The following BHMT2 variants were observed in gnomAD, a reference collection of about 807,000 sequenced individuals.
The protein encoded by BHMT2 is S-methylmethionine--homocysteine S-methyltransferase BHMT2.
A neutral mutation model predicts 39.0 loss-of-function variants in BHMT2; 28 were observed. The observed-to-expected ratio is 0.72, with a 90% confidence interval of 0.53 to 0.98. The LOEUF (loss-of-function observed/expected upper bound fraction) is 0.98, where lower values mean the gene tolerates loss of function less well. Among genes scored for constraint, BHMT2 ranks in the 50% least tolerant of loss-of-function variants. The pLI is 0.00. For missense variants in BHMT2, 410 were observed against 455.6 expected, an observed-to-expected ratio of 0.90 and a Z score of 0.91; for synonymous variants, 145 against 160.6, an observed-to-expected ratio of 0.90 and a Z score of 0.74.
chr5:79,080,800 T>C lies in BHMT2; in HGVS notation c.372T>C (p.Asp124=). The C allele has an allele frequency of 1.2e-6, 2 of 1,606,098 alleles. No homozygotes were observed. Among genetic ancestry groups the C allele is most frequent in the Non-Finnish European group, 1.7e-6 (2 of 1,177,752 alleles). Residue 124 remains aspartate (D), a synonymous_variant, in exon 4 of 8, where the codon GAT becomes GAC. Transcript: ENST00000255192. ...CQTSIYKYQK[D]EARIKKLFRQ... ...CATCAATATACAAATACCAGAAGGATGAAGCTAGAATTAAAAAACTTTTTC... is the reference window on the plus strand; with the variant it reads ...CATCAATATACAAATACCAGAAGGACGAAGCTAGAATTAAAAAACTTTTTC...
chr5:79,084,435 G>A (rs1324130026), intron 7 of BHMT2, among the ~76,000 whole-genome samples: 4 of 151,938 alleles, frequency 2.6e-5, no homozygotes, highest in South Asian at 2.1e-4. Flanking sequence ...CACCACATCC[G>A]GCTAATTTTT....
chr5:79,083,231 A>G lies in BHMT2; in HGVS notation c.638A>G (p.Asp213Gly). 2.5e-6 allele frequency: 4 copies of G among 1,614,168 alleles called. No individual in the cohort carries two copies. The highest frequency in any genetic ancestry group is 3.4e-6 in the Non-Finnish European group (4 of 1,180,040). ...GGCGTGAACTGCCGCTTTGGGCCCGACACCAGCTTGAAGACGATGGAGCTC... is the reference window on the plus strand; with the variant it reads ...GGCGTGAACTGCCGCTTTGGGCCCGGCACCAGCTTGAAGACGATGGAGCTC... Reference protein sequence around the residue: ...IVGVNCRFGPDTSLKTMELMK... With the variant: ...IVGVNCRFGPGTSLKTMELMK... The change falls in exon 6 of 8, where the codon GAC (aspartate) becomes GGC (glycine). Residue 213 changes from aspartate (D) to glycine (G), a missense_variant. Asp to Gly is a moderately conservative substitution (Grantham distance 94, BLOSUM62 -1). Coordinates refer to ENST00000255192, the MANE Select transcript of BHMT2 (RefSeq NM_017614.5).
At chr5:79,077,448 C>G in intron 1 of BHMT2, 32 bp from the exon 2 acceptor site, 1 of 1,565,154 alleles carries the variant, frequency 6.4e-7, no homozygotes, top group Non-Finnish European at 8.6e-7. Flanking sequence ...AAAAGTAGAG[C>G]GGAGCTTAGG....
At chr5:79,085,090 C>T (rs1417139295) in intron 7 of BHMT2, among the ~76,000 whole-genome samples, 4 of 152,048 alleles carry the variant, frequency 2.6e-5, no homozygotes, top group African/African-American at 9.7e-5. Context: ...TTGTTCTATT[C>T]TATAGTTATA....
chr5:79,087,014 G>GTGTATATATATA (rs1329456863), intron 7 of BHMT2, among the ~76,000 whole-genome samples: 23 of 118,302 alleles, frequency 1.9e-4, no homozygotes, highest in African/African-American at 7.0e-4. Flanking sequence ...GTGTGTGTGT[G>GTGTATATATATA]TATATATATA....
intron 7 of BHMT2, 91 bp downstream of exon 7, chr5:79,083,947 T>G: frequency 6.9e-7 from 1 of 1,455,946 alleles, no homozygotes; most frequent in Non-Finnish European, 9.2e-7. Context: ...TGACAAAAAG[T>G]ATAGAAATGT....
chr5:79,070,901 A>C (rs1307832332), intron 1 of BHMT2, among the ~76,000 whole-genome samples: 1 of 152,240 alleles, frequency 6.6e-6, no homozygotes, highest in African/African-American at 2.4e-5. Context: ...CAAGATGTGG[A>C]ATATTGGTTT....
At chr5:79,078,558 C>T (rs966121928) in intron 2 of BHMT2, among the ~76,000 whole-genome samples, 1 of 152,214 alleles carries the variant, frequency 6.6e-6, no homozygotes, top group Non-Finnish European at 1.5e-5. Context: ...AGTCACTTGA[C>T]CTCTCCAAGG....
intron 1 of BHMT2, among the ~76,000 whole-genome samples, chr5:79,075,274 A>C (rs1017226916): frequency 6.6e-6 from 1 of 152,156 alleles, no homozygotes; most frequent in African/African-American, 2.4e-5. Flanking sequence ...TCTGTAAAAA[A>C]GAGTCCCCCA....
chr5:79,079,239 A>G, intron 2 of BHMT2, 130 bp from the exon 3 acceptor site: 3 of 633,838 alleles, frequency 4.7e-6, no homozygotes, highest in South Asian at 3.9e-5. Context: ...TTTTGTTACT[A>G]CTAGGTTTGA....
intron 3 of BHMT2, among the ~76,000 whole-genome samples, chr5:79,080,220 T>G (rs1295231033): frequency 6.6e-6 from 1 of 152,206 alleles, no homozygotes; most frequent in African/African-American, 2.4e-5. Context: ...CTCTGTAAAA[T>G]GGAGACAACA....
chr5:79,075,125 T>A (rs895937997), intron 1 of BHMT2, among the ~76,000 whole-genome samples: 10 of 152,156 alleles, frequency 6.6e-5, no homozygotes, highest in African/African-American at 2.4e-4. Context: ...TGTAAATCAA[T>A]GGGCAGGGTT....
chr5:79,070,223 T>A (rs1755532999), intron 1 of BHMT2, among the ~76,000 whole-genome samples: 1 of 152,196 alleles, frequency 6.6e-6, no homozygotes, highest in African/African-American at 2.4e-5. Flanking sequence ...TTTGGGCTAA[T>A]CCGTCCGGGA....
In BHMT2 at chr5:79,069,792, G is replaced by T; in HGVS notation, c.10G>T (p.Ala4Ser). ...ACAGAGCCGCGGCACCATGGCACCT[G>T]CTGGACGCCCGGGGGCCAAGAAGGT... MAP[A>S]GRPGAKKGIL... is the part of the protein sequence containing the mutation. The change falls in exon 1 of 8, where the codon GCT becomes TCT. Residue 4 changes from alanine to serine, a missense_variant. Transcript: ENST00000255192. 7.0e-7 allele frequency: 1 copy of T among 1,436,984 alleles called. No homozygotes were observed. The highest frequency in any genetic ancestry group is 9.2e-7 in the Non-Finnish European group (1 of 1,088,474). The allele number at this position is 1,436,984 out of a possible 1,614,324, so 89.0% of individuals were successfully genotyped here. A position where few individuals can be genotyped will look rare whatever the true frequency, so the allele number is the denominator to read the frequency against.
chr5:79,088,644 T>G lies in BHMT2; in HGVS notation c.*70T>G. ...TGCCCTCAAGCCTGACCTGGAACCG[T>G]TCCTCACCTTCATCCTCACCATGCC... is the stretch of plus-strand genomic sequence containing the variant. On this transcript the variant is annotated 3_prime_UTR_variant, in exon 8 of 8. Coordinates refer to ENST00000255192, the MANE Select transcript of BHMT2 (RefSeq NM_017614.5). 8.1e-7 allele frequency: 1 copy of G among 1,232,098 alleles called. No homozygotes were observed. The highest frequency in any genetic ancestry group is 1.2e-6 in the Non-Finnish European group (1 of 847,614). The allele number at this position is 1,232,098 out of a possible 1,614,324, so 76.3% of individuals were successfully genotyped here. A position where few individuals can be genotyped will look rare whatever the true frequency, so the allele number is the denominator to read the frequency against.
intron 4 of BHMT2, among the ~76,000 whole-genome samples, chr5:79,081,588 G>A (rs7733452): frequency 0.016 from 2,509 of 152,194 alleles, 73 homozygotes; most frequent in African/African-American, 0.056. Flanking sequence ...GGCTTGGCGC[G>A]GTAGCTCACA....
intron 3 of BHMT2, among the ~76,000 whole-genome samples, chr5:79,079,722 C>G (rs888131122): frequency 6.6e-6 from 1 of 152,080 alleles, no homozygotes; most frequent in Non-Finnish European, 1.5e-5. Flanking sequence ...ATGGTGAAAC[C>G]CTGTCTCTAC....
In BHMT2 at chr5:79,080,290, A is replaced by G. The variant is rs117342950; in HGVS notation, c.259-397A>G. Among the ~76,000 whole-genome samples the G allele has an allele frequency of 4.6e-5, 7 of 152,364 alleles. 1 individual carries two copies. The highest frequency in any genetic ancestry group is 1.9e-4 in the East Asian group (1 of 5,178). On this transcript the variant is annotated intron_variant, in intron 3 of 7. Transcript: ENST00000255192. ...TAAGTAAGACCAAGGATGTGAAAGT[A>G]TTGTGAAATATTCTGCAAATGTAAA...
Position 79,088,914 on chromosome 5 carries a change from A to G in BHMT2, c.*340A>G. The G allele has an allele frequency of 5.3e-6, 1 of 188,204 alleles. No individual in the cohort carries two copies. The allele number at this position is 188,204 out of a possible 1,614,324, so 11.7% of individuals were successfully genotyped here. A position where few individuals can be genotyped will look rare whatever the true frequency, so the allele number is the denominator to read the frequency against. ...TTTGAGGGTGAATTTGACACTTTAA[A>G]ATAATCAGAAGTCACTGAGACCCAA... is the stretch of plus-strand genomic sequence containing the variant. On this transcript the variant is annotated 3_prime_UTR_variant, in exon 8 of 8. Transcript: ENST00000255192.
Sources: gnomAD v4.1 joint callset for allele counts (sites outside exome capture counted in the v4.1 genomes callset) on GRCh38, gnomAD v4.1.1 for gene constraint, MANE v1.5 for transcripts, NCBI Gene and HGNC (gene_info 2026-07-23, HGNC 2026-07-21) for gene names.